PTPRN2: variants seen among roughly 807,000 people sequenced by gnomAD.
The protein encoded by PTPRN2 is protein tyrosine phosphatase receptor type N2.
Under a neutral mutation model 118.8 loss-of-function variants are expected in PTPRN2, and 74 were observed. That is an observed-to-expected ratio of 0.62 (90% CI 0.52 to 0.76). The LOEUF (loss-of-function observed/expected upper bound fraction) is 0.76. PTPRN2 is among the 30% of genes least tolerant of loss of function. The probability of loss-of-function intolerance (pLI) is 0.00; values close to 1 mark genes in which losing one functional copy is unlikely to be tolerated. For synonymous variants in PTPRN2, 641 were observed against 608.0 expected (o/e 1.05, Z -0.80); for missense variants, 1,481 against 1,394.4 (o/e 1.06, Z -0.99).
At chr7:157,621,643 G>T in intron 14 of PTPRN2, 134 bp from the exon 15 acceptor site, 2 of 1,096,138 alleles carry the variant, frequency 1.8e-6, no homozygotes, top group Non-Finnish European at 2.7e-6. Context: ...GGGCCATGGT[G>T]CGACGTTGTG....
In PTPRN2 at chr7:157,571,738, G is replaced by A. The variant is rs560383646; in HGVS notation, c.2784-245C>T. ...TACACTGCTTTCTTCTTCCAAGGAGGGGTGCCAGGCTTTGAACCAGTGGAC... is the reference window on the plus strand; with the variant it reads ...TACACTGCTTTCTTCTTCCAAGGAGAGGTGCCAGGCTTTGAACCAGTGGAC... On this transcript the variant is annotated intron_variant, in intron 19 of 22. Transcript: ENST00000389418. Among the ~76,000 whole-genome samples the A allele has an allele frequency of 3.9e-5, 6 of 152,262 alleles. No homozygotes were observed. In the South Asian group the frequency reaches 1.2e-3, roughly 32 times the overall value.
chr7:157,795,272 G>A (rs1450285294), intron 12 of PTPRN2, among the ~76,000 whole-genome samples: 2 of 152,004 alleles, frequency 1.3e-5, no homozygotes, highest in East Asian at 1.9e-4. Flanking sequence ...GGGGCACTTT[G>A]GCAGGAGGGA....
intron 3 of PTPRN2, among the ~76,000 whole-genome samples, chr7:158,219,900 A>G (rs1176149624): frequency 6.6e-6 from 1 of 151,972 alleles, no homozygotes; most frequent in African/African-American, 2.4e-5. Flanking sequence ...CCTACCAACC[A>G]AAAAAGCCCG....
intron 2 of PTPRN2, among the ~76,000 whole-genome samples, chr7:158,458,033 C>T (rs114437998): frequency 0.02 from 3,031 of 152,308 alleles, 90 homozygotes; most frequent in South Asian, 0.067. Context: ...GGTGAAAGCT[C>T]TAAGAGAAAG....
rs6459826 is a variant in PTPRN2 at position 158,003,508 on chromosome 7, C to A, written c.1723+77790G>T. ...AGAGGAAGAGACACACAGCCTGCAT[C>A]TACACAGAAGGACAGCCCCTGAGGA... On this transcript the variant is annotated intron_variant, in intron 11 of 22. Transcript: ENST00000389418. The surrounding 1 kb of genome is among the most constrained non-coding windows in gnomAD (Gnocchi z 5.0). Among the ~76,000 whole-genome samples, 1 of 151,896 alleles carries A rather than the reference C, an allele frequency of 6.6e-6. No homozygotes were observed. The highest frequency in any genetic ancestry group is 1.5e-5 in the Non-Finnish European group (1 of 67,988).
At chr7:158,081,420 C>G (rs375122681) in intron 10 of PTPRN2, 43 bp from the exon 11 acceptor site, 2 of 1,558,676 alleles carry the variant, frequency 1.3e-6, no homozygotes, top group Non-Finnish European at 8.8e-7. Flanking sequence ...GAAGTCTACG[C>G]GCCACACCGC....
intron 12 of PTPRN2, among the ~76,000 whole-genome samples, chr7:157,855,690 G>A (rs1215995638): frequency 6.6e-6 from 1 of 152,274 alleles, no homozygotes; most frequent in African/African-American, 2.4e-5. Flanking sequence ...GCCTGTGGCT[G>A]AGCCGAGGGA....
intron 3 of PTPRN2, among the ~76,000 whole-genome samples, chr7:158,283,572 C>T (rs1241017923): frequency 6.6e-6 from 1 of 152,192 alleles, no homozygotes; most frequent in Non-Finnish European, 1.5e-5. Flanking sequence ...GACATAGGGA[C>T]CTTGCTGTGG....
At chr7:157,715,355 C>G (rs1798851528) in intron 12 of PTPRN2, among the ~76,000 whole-genome samples, 1 of 152,148 alleles carries the variant, frequency 6.6e-6, no homozygotes. Flanking sequence ...ACTGGGGTGC[C>G]AGTCCCCCCG....
At chr7:157,967,160 A>AT (rs911875006) in intron 11 of PTPRN2, among the ~76,000 whole-genome samples, 58 of 152,158 alleles carry the variant, frequency 3.8e-4, no homozygotes, top group African/African-American at 1.3e-3. Flanking sequence ...TCTCTATTAA[A>AT]TTTTTTTTAA....
In PTPRN2 at chr7:158,212,755, T is replaced by C. The variant is rs148551986; in HGVS notation, c.278-7482A>G. Among the ~76,000 whole-genome samples, 1,131 of 152,184 alleles carry C rather than the reference T, an allele frequency of 7.4e-3. 17 individuals carry two copies. Among genetic ancestry groups the C allele is most frequent in the African/African-American group, 0.026 (1,068 of 41,512 alleles). ...ACTCCTCTACCTGCCCGCCACCATA[T>C]CTTAGGTATTTTGTTCTTCCTAACA... On this transcript the variant is annotated intron_variant, in intron 3 of 22. Coordinates refer to ENST00000389418, the MANE Select transcript of PTPRN2 (RefSeq NM_002847.5).
chr7:157,621,075 C>A (rs1803167995), intron 15 of PTPRN2, among the ~76,000 whole-genome samples: 1 of 148,422 alleles, frequency 6.7e-6, no homozygotes, highest in Non-Finnish European at 1.5e-5. Context: ...GTCACCCTGG[C>A]CACCTGCCCC....
intron 12 of PTPRN2, 80 bp downstream of exon 12, chr7:157,898,593 G>T: frequency 7.2e-7 from 1 of 1,387,026 alleles, no homozygotes; most frequent in Non-Finnish European, 1.0e-6. Context: ...TGCAGGTCCA[G>T]CCTCTGTTCT....
chr7:158,317,574 A>G (rs1166315875), intron 2 of PTPRN2, among the ~76,000 whole-genome samples: 5 of 152,224 alleles, frequency 3.3e-5, no homozygotes, highest in African/African-American at 1.2e-4. Flanking sequence ...TTAGTCCCCA[A>G]TTAGTCTTTA....
rs575301063 is a variant in PTPRN2, at chr7:157,818,640, G to A, written c.1788+80033C>T. Among the ~76,000 whole-genome samples the A allele has an allele frequency of 1.9e-4, 29 of 152,236 alleles. No individual in the cohort carries two copies. The East Asian group carries it at 2.3e-3, about 12-fold the overall frequency. On this transcript the variant is annotated intron_variant, in intron 12 of 22. Coordinates refer to ENST00000389418, the MANE Select transcript of PTPRN2 (RefSeq NM_002847.5). ...GTGATGAGGGGCACTGGAGTCCAAG[G>A]CCCTGGGTGTGAGTCCCTGGGATGC...
rs1814389872 is a variant in PTPRN2, at chr7:158,093,583, C to T, written c.1644-12206G>A. On this transcript the variant is annotated intron_variant, in intron 10 of 22. Transcript: ENST00000389418. The surrounding 1 kb of genome is among the most constrained non-coding windows in gnomAD (Gnocchi z 4.4). ...CAGAAAACCAATAAAAAAATGAGCT[C>T]ACGTCTGGCTGCTACAGAATTCTCT... 2.0e-5 allele frequency among the ~76,000 whole-genome samples: 3 copies of T among 152,230 alleles called. No homozygotes were observed. The highest frequency in any genetic ancestry group is 2.0e-4 in the Admixed American group (3 of 15,288).
intron 2 of PTPRN2, among the ~76,000 whole-genome samples, chr7:158,344,502 T>C (rs1366732594): frequency 6.6e-6 from 1 of 150,564 alleles, no homozygotes; most frequent in Non-Finnish European, 1.5e-5. Context: ...GAATGCTAAT[T>C]ATACTCGCCG....
At chr7:158,077,534 GGTC>G (rs1177849757) in intron 11 of PTPRN2, among the ~76,000 whole-genome samples, 1 of 25,638 alleles carries the variant, frequency 3.9e-5, no homozygotes, top group Non-Finnish European at 9.2e-5. Context: ...CACCATTCAG[GGTC>G]AGCACAGGAG....
At chr7:157,940,671 A>C (rs1274275437) in intron 11 of PTPRN2, among the ~76,000 whole-genome samples, 1 of 145,762 alleles carries the variant, frequency 6.9e-6, no homozygotes. Flanking sequence ...TGCAAATCTA[A>C]CACTCTCCCC....
Sources: allele counts gnomAD v4.1 joint callset (sites outside exome capture counted in the v4.1 genomes callset), GRCh38; gene constraint gnomAD v4.1.1; non-coding constraint Gnocchi (gnomAD v3.1); transcripts MANE v1.5; gene names NCBI Gene and HGNC (gene_info 2026-07-23, HGNC 2026-07-21).